The following MCUB variants were observed in gnomAD, a reference collection of about 807,000 sequenced individuals.
MCUB encodes calcium uniporter regulatory subunit MCUb, mitochondrial.
MCUB carries 46 observed loss-of-function variants against 41.4 expected under a neutral mutation model. The observed-to-expected ratio is 1.11, with a 90% confidence interval of 0.88 to 1.42. The LOEUF (loss-of-function observed/expected upper bound fraction) is 1.42, where lower values mean the gene tolerates loss of function less well. Among genes scored for constraint, MCUB ranks in the 40% most tolerant of loss-of-function variants. The pLI is 0.00. For synonymous variants in MCUB, 148 were observed against 148.2 expected (o/e 1.00, Z 0.01); for missense variants, 403 against 404.9 (o/e 1.00, Z 0.04).
At chr4:109,594,514 G>T (rs1266906101) in intron 1 of MCUB, among the ~76,000 whole-genome samples, 1 of 152,126 alleles carries the variant, frequency 6.6e-6, no homozygotes, top group African/African-American at 2.4e-5. Context: ...AAGTTAGCCG[G>T]GTGTGGTGGC....
At chr4:109,583,929 G>T (rs567863190) in intron 1 of MCUB, among the ~76,000 whole-genome samples, 127 of 152,264 alleles carry the variant, frequency 8.3e-4, no homozygotes, top group African/African-American at 3.0e-3. Flanking sequence ...GATCGTGGTG[G>T]ATAAGCTTTG....
chr4:109,584,632 C>A (rs1380161834), intron 1 of MCUB, among the ~76,000 whole-genome samples: 1 of 152,164 alleles, frequency 6.6e-6, no homozygotes, highest in Middle Eastern at 3.2e-3. Flanking sequence ...AAATGTGTCC[C>A]AGAGATTCTG....
chr4:109,583,929 G>C (rs567863190), intron 1 of MCUB, among the ~76,000 whole-genome samples: 2 of 152,148 alleles, frequency 1.3e-5, no homozygotes, highest in Non-Finnish European at 2.9e-5. Context: ...GATCGTGGTG[G>C]ATAAGCTTTG....
intron 1 of MCUB, among the ~76,000 whole-genome samples, chr4:109,563,218 A>T (rs1726682526): frequency 6.6e-6 from 1 of 152,140 alleles, no homozygotes; most frequent in East Asian, 1.9e-4. Flanking sequence ...AAACTCCCTG[A>T]TACGATTTCA....
In MCUB at chr4:109,688,317, G is replaced by GTGA. The variant is rs1729902707; in HGVS notation, c.*727_*729dup. 1.3e-5 allele frequency: 2 copies of GTGA among 152,260 alleles called. No individual in the cohort carries two copies. The highest frequency in any genetic ancestry group is 3.9e-4 in the East Asian group (2 of 5,194). 9.4% of individuals were successfully genotyped at this position (152,260 alleles called of 1,614,324 possible). On this transcript the variant is annotated 3_prime_UTR_variant, in exon 8 of 8. Transcript: ENST00000394650. Reference sequence around the variant, plus strand: ...AAGTAACATCTGTTATTCTATTAATGTGATTGTGTGTGAATGGGTCTGATG... The same window carrying GTGA: ...AAGTAACATCTGTTATTCTATTAATGTGATGATTGTGTGTGAATGGGTCTGATG...
At chr4:109,683,307 G>A (rs919298073) in intron 5 of MCUB, 1 of 152,240 alleles carries the variant, frequency 6.6e-6, no homozygotes, top group Non-Finnish European at 1.5e-5. Flanking sequence ...AAATGGGAAG[G>A]TATATGTGTA....
intron 1 of MCUB, among the ~76,000 whole-genome samples, chr4:109,616,052 AAAAAT>A (rs1156788432): frequency 6.6e-6 from 1 of 152,248 alleles, no homozygotes; most frequent in East Asian, 1.9e-4. Context: ...GGCATAGGCC[AAAAAT>A]TTAAGTTCCA....
intron 4 of MCUB, among the ~76,000 whole-genome samples, chr4:109,673,179 C>A (rs923357919): frequency 2.6e-5 from 4 of 152,194 alleles, no homozygotes; most frequent in Non-Finnish European, 5.9e-5. Flanking sequence ...ATACAACTTT[C>A]ATGTCCAGTG....
intron 4 of MCUB, among the ~76,000 whole-genome samples, chr4:109,671,978 T>C (rs1029737498): frequency 6.6e-6 from 1 of 151,978 alleles, no homozygotes; most frequent in Non-Finnish European, 1.5e-5. Context: ...CCCTATAAAT[T>C]CTTTCTCAAA....
intron 1 of MCUB, among the ~76,000 whole-genome samples, chr4:109,580,059 G>A (rs371473991): frequency 1.9e-4 from 29 of 152,106 alleles, no homozygotes; most frequent in African/African-American, 6.8e-4. Context: ...GCCCCAAGGT[G>A]TGGTGTTCCC....
intron 4 of MCUB, among the ~76,000 whole-genome samples, chr4:109,666,433 C>T (rs111671124): frequency 0.025 from 3,819 of 152,228 alleles, 143 homozygotes; most frequent in African/African-American, 0.088. Context: ...ATGAGAATTC[C>T]TGTTGCCCCA....
intron 1 of MCUB, among the ~76,000 whole-genome samples, chr4:109,612,154 G>A (rs1728021568): frequency 6.6e-6 from 1 of 151,790 alleles, no homozygotes; most frequent in East Asian, 1.9e-4. Context: ...CAGGAAGATT[G>A]TTTTCCTATT....
At chr4:109,625,752 A>G (rs1728347436) in intron 1 of MCUB, among the ~76,000 whole-genome samples, 1 of 152,188 alleles carries the variant, frequency 6.6e-6, no homozygotes, top group Non-Finnish European at 1.5e-5. Context: ...TATATAGCAA[A>G]TATAATAAAT....
intron 1 of MCUB, among the ~76,000 whole-genome samples, chr4:109,576,613 T>C (rs1727037203): frequency 6.6e-6 from 1 of 151,186 alleles, no homozygotes; most frequent in African/African-American, 2.4e-5. Context: ...TTTGTGTTGC[T>C]AGTGAGAGTG....
At chr4:109,656,440 A>G (rs1729105162) in intron 1 of MCUB, among the ~76,000 whole-genome samples, 1 of 133,410 alleles carries the variant, frequency 7.5e-6, no homozygotes, top group Non-Finnish European at 1.5e-5. Context: ...CAGTAGCTAC[A>G]ATCTCGGTTC....
At chr4:109,682,793 T>C (rs1561252725) in intron 5 of MCUB, 51 bp downstream of exon 5, 3 of 1,403,420 alleles carry the variant, frequency 2.1e-6, no homozygotes, top group South Asian at 2.6e-5. Flanking sequence ...CTAGTGTTTA[T>C]TGAGTGCTCC....
At chr4:109,597,320 T>A (rs1365270162) in intron 1 of MCUB, among the ~76,000 whole-genome samples, 1 of 123,588 alleles carries the variant, frequency 8.1e-6, no homozygotes, top group South Asian at 2.8e-4. Context: ...CGGGCAGAGG[T>A]GCCCCTCACC....
At chr4:109,593,402 G>A (rs1727484138) in intron 1 of MCUB, among the ~76,000 whole-genome samples, 1 of 152,172 alleles carries the variant, frequency 6.6e-6, no homozygotes, top group South Asian at 2.1e-4. Context: ...GCACCTACTG[G>A]AACTTTAAGC....
At chr4:109,631,598 TATTA>T (rs1404524921) in intron 1 of MCUB, among the ~76,000 whole-genome samples, 14 of 152,356 alleles carry the variant, frequency 9.2e-5, no homozygotes, top group African/African-American at 3.4e-4. Context: ...TAGTTTCAGT[TATTA>T]ATTTATTATC....
Sources: gnomAD v4.1 joint callset for allele counts (sites outside exome capture counted in the v4.1 genomes callset) on GRCh38, gnomAD v4.1.1 for gene constraint, MANE v1.5 for transcripts, NCBI Gene and HGNC (gene_info 2026-07-23, HGNC 2026-07-21) for gene names.